Variants in ATXN7L1 observed in about 807,000 individuals in gnomAD.
ATXN7L1 encodes ataxin 7 like 1.
ATXN7L1 carries 15 observed loss-of-function variants against 70.8 expected under a neutral mutation model. The observed-to-expected ratio is 0.21, with a 90% confidence interval of 0.14 to 0.33. The LOEUF is 0.33. Ranked by LOEUF, ATXN7L1 falls within the 10% of genes least tolerant of loss-of-function variation. The probability of loss-of-function intolerance (pLI) is 1.00; values close to 1 mark genes in which losing one functional copy is unlikely to be tolerated. For synonymous variants in ATXN7L1, 440 were observed against 445.1 expected (o/e 0.99, Z 0.14); for missense variants, 975 against 1,097.1 (o/e 0.89, Z 1.57).
At chr7:105,610,395 G>T in intron 11 of ATXN7L1, 134 bp downstream of exon 11, 1 of 788,826 alleles carries the variant, frequency 1.3e-6, no homozygotes, top group Non-Finnish European at 2.0e-6. Context: ...GAAGGCCTAG[G>T]TTTGGAAGCC....
chr7:105,757,466 G>A (rs1799942058), intron 3 of ATXN7L1, among the ~76,000 whole-genome samples: 1 of 150,006 alleles, frequency 6.7e-6, no homozygotes, highest in Non-Finnish European at 1.5e-5. Context: ...TATGATGTGT[G>A]CATTTAAAAT....
At chr7:105,748,823 C>T (rs777627847) in intron 3 of ATXN7L1, among the ~76,000 whole-genome samples, 6 of 152,166 alleles carry the variant, frequency 3.9e-5, no homozygotes, top group African/African-American at 1.2e-4. Context: ...ATAAGGAGAT[C>T]GTCAGGTGGT....
At chr7:105,848,616 C>T (rs537316539) in intron 2 of ATXN7L1, among the ~76,000 whole-genome samples, 16 of 152,256 alleles carry the variant, frequency 1.1e-4, no homozygotes, top group Admixed American at 2.0e-4. Flanking sequence ...TTGTAAGTTA[C>T]AGGAAACAAA....
chr7:105,846,034 T>C (rs1813978723), intron 2 of ATXN7L1, among the ~76,000 whole-genome samples: 1 of 152,040 alleles, frequency 6.6e-6, no homozygotes, highest in Non-Finnish European at 1.5e-5. Context: ...ATAAAAGAAA[T>C]ATTTGATAAA....
At chr7:105,713,922 AT>A (rs2116277745) in intron 3 of ATXN7L1, among the ~76,000 whole-genome samples, 1 of 152,344 alleles carries the variant, frequency 6.6e-6, no homozygotes, top group South Asian at 2.1e-4. Context: ...CGACCCAGGG[AT>A]TTGAGAACTG....
At chr7:105,642,595 C>T (rs1798432992) in intron 5 of ATXN7L1, among the ~76,000 whole-genome samples, 1 of 152,232 alleles carries the variant, frequency 6.6e-6, no homozygotes, top group Non-Finnish European at 1.5e-5. Flanking sequence ...ACCCTGCCTC[C>T]TGGGTTGCTA....
intron 3 of ATXN7L1, among the ~76,000 whole-genome samples, chr7:105,766,693 T>C (rs1025444776): frequency 6.6e-6 from 1 of 152,176 alleles, no homozygotes; most frequent in Non-Finnish European, 1.5e-5. Flanking sequence ...ACCGCTGGGA[T>C]TAGACGATCC....
In ATXN7L1 at chr7:105,639,699, G is replaced by GT. The variant is rs961541270; in HGVS notation, c.863-131dup. On this transcript the variant is annotated intron_variant, in intron 5 of 11. Coordinates refer to ENST00000419735, the MANE Select transcript of ATXN7L1 (RefSeq NM_020725.2). The stretch of plus-strand genomic sequence containing the variant: ...GACATTGTCAGGCAATCTGTTTTTT[G>GT]TTTTTTTGTGTTTTGTTTTCTCAAC... 208 of 691,576 alleles carry GT rather than the reference G, an allele frequency of 3.0e-4. 1 individual carries two copies. The highest frequency in any genetic ancestry group is 8.1e-4 in the Middle Eastern group (2 of 2,464). 42.8% of individuals were successfully genotyped at this position (691,576 alleles called of 1,614,324 possible). A position where few individuals can be genotyped will look rare whatever the true frequency, so the allele number is the denominator to read the frequency against.
chr7:105,828,693 C>T (rs986658375), intron 2 of ATXN7L1, among the ~76,000 whole-genome samples: 1 of 152,268 alleles, frequency 6.6e-6, no homozygotes, highest in African/African-American at 2.4e-5. Flanking sequence ...TTATTATTCT[C>T]ATTTTATAGA....
chr7:105,689,659 A>C (rs766610797), intron 3 of ATXN7L1, among the ~76,000 whole-genome samples: 24 of 152,226 alleles, frequency 1.6e-4, no homozygotes, highest in African/African-American at 5.8e-4. Context: ...CGGAGGAGGC[A>C]CGGGGAAGTG....
intron 2 of ATXN7L1, among the ~76,000 whole-genome samples, chr7:105,861,576 G>C (rs1816649096): frequency 6.6e-6 from 1 of 152,046 alleles, no homozygotes; most frequent in Non-Finnish European, 1.5e-5. Context: ...TGACATCTGT[G>C]AGGGGCTGTC....
At chr7:105,656,772 T>C (rs1243362117) in intron 4 of ATXN7L1, among the ~76,000 whole-genome samples, 1 of 152,174 alleles carries the variant, frequency 6.6e-6, no homozygotes, top group Non-Finnish European at 1.5e-5. Flanking sequence ...GGTTTTGCCA[T>C]GTTGGCCAGG....
At chr7:105,702,152 C>G (rs557114154) in intron 3 of ATXN7L1, among the ~76,000 whole-genome samples, 2 of 152,300 alleles carry the variant, frequency 1.3e-5, no homozygotes, top group South Asian at 2.1e-4. Context: ...TAGTGCTTTT[C>G]TCTTTACAAA....
intron 3 of ATXN7L1, among the ~76,000 whole-genome samples, chr7:105,705,182 C>T (rs189072444): frequency 5.3e-5 from 8 of 151,882 alleles, no homozygotes; most frequent in Non-Finnish European, 8.8e-5. Context: ...CGTGCCTCCA[C>T]GCCTGCCTAA....
chr7:105,875,457 G>T (rs1241413758), intron 2 of ATXN7L1, among the ~76,000 whole-genome samples: 6 of 152,138 alleles, frequency 3.9e-5, no homozygotes, highest in African/African-American at 1.4e-4. Context: ...CCACGAGAAA[G>T]GCTGGGATGC....
chr7:105,633,263 T>G (rs1378875553), intron 7 of ATXN7L1, among the ~76,000 whole-genome samples: 2 of 152,160 alleles, frequency 1.3e-5, no homozygotes, highest in Non-Finnish European at 2.9e-5. Context: ...CATCAAAATT[T>G]AAAGGCACAA....
At chr7:105,610,504 C>A in intron 11 of ATXN7L1, 25 bp downstream of exon 11, 1 of 1,175,022 alleles carries the variant, frequency 8.5e-7, no homozygotes, top group Admixed American at 2.1e-5. Context: ...GAATTTTTGC[C>A]CCACCCCCAC....
intron 2 of ATXN7L1, among the ~76,000 whole-genome samples, chr7:105,824,455 C>T (rs1810580540): frequency 6.6e-6 from 1 of 151,938 alleles, no homozygotes; most frequent in Non-Finnish European, 1.5e-5. Context: ...TTAATGTCCT[C>T]AGAGAGAGAA....
At chr7:105,790,608 A>ATCTATCTG (rs1445220783) in intron 2 of ATXN7L1, among the ~76,000 whole-genome samples, 9 of 80,500 alleles carry the variant, frequency 1.1e-4, no homozygotes, top group African/African-American at 4.1e-4. Context: ...GAAAAAAATT[A>ATCTATCTG]TCTATCTATC....
Sources: gnomAD v4.1 joint callset for allele counts (sites outside exome capture counted in the v4.1 genomes callset) on GRCh38, gnomAD v4.1.1 for gene constraint, MANE v1.5 for transcripts, NCBI Gene and HGNC (gene_info 2026-07-23, HGNC 2026-07-21) for gene names.